KREMEN1: variants seen among roughly 807,000 people sequenced by gnomAD.
The protein encoded by KREMEN1 is kremen protein 1.
A neutral mutation model predicts 46.5 loss-of-function variants in KREMEN1; 30 were observed. The ratio of observed to expected loss-of-function variants is 0.65; its 90% CI spans 0.48 to 0.88. KREMEN1 has a LOEUF of 0.88. KREMEN1 is among the 40% of genes least tolerant of loss of function. KREMEN1 has a pLI of 0.00. For synonymous variants in KREMEN1, 214 were observed against 230.6 expected (o/e 0.93, Z 0.65); for missense variants, 533 against 596.9 (o/e 0.89, Z 1.11).
exon 10 of KREMEN1, chr22:29,167,369 A>G: frequency 2.1e-6 from 1 of 474,560 alleles, no homozygotes; most frequent in Non-Finnish European, 3.8e-6. Flanking sequence ...TAAGAATAGA[A>G]AGAAAGAAAG....
chr22:29,084,648 T>A (rs1192503325), intron 1 of KREMEN1, among the ~76,000 whole-genome samples: 1 of 152,216 alleles, frequency 6.6e-6, no homozygotes, highest in Non-Finnish European at 1.5e-5. Context: ...TATTTGTTTT[T>A]TGAATTTTTA....
chr22:29,167,385 C>T (rs1003489682), exon 10 of KREMEN1: 16 of 451,206 alleles, frequency 3.5e-5, no homozygotes, highest in African/African-American at 1.4e-4. Flanking sequence ...GAAAGAGAAA[C>T]GGTGTCCTCC....
chr22:29,129,066 G>A (rs1050481390), intron 5 of KREMEN1, among the ~76,000 whole-genome samples: 2 of 152,206 alleles, frequency 1.3e-5, no homozygotes, highest in Non-Finnish European at 2.9e-5. Flanking sequence ...GGCTGCTCAC[G>A]CCATCCTCCA....
chr22:29,080,940 C>CCTT lies in KREMEN1; in HGVS notation c.97+7714_97+7716dup, dbSNP rs150359536. ...CGTCCTGATTGTATTATTTTTTTGT[C>CCTT]CTTTTTTTTTTTTTTTTTTTTTAGC... On this transcript the variant is annotated intron_variant, in intron 1 of 8. Coordinates refer to ENST00000400335, the MANE Select transcript of KREMEN1 (RefSeq NM_001039570.3). Among the ~76,000 whole-genome samples, 201 of 51,944 alleles carry CCTT rather than the reference C, an allele frequency of 3.9e-3. 23 individuals carry two copies. Among genetic ancestry groups the CCTT allele is most frequent in the Middle Eastern group, 0.034 (2 of 58 alleles). 34.1% of individuals were successfully genotyped at this position (51,944 alleles called of 152,430 possible).
At chr22:29,164,124 A>G (rs1050324690) in intron 9 of KREMEN1, among the ~76,000 whole-genome samples, 1 of 152,268 alleles carries the variant, frequency 6.6e-6, no homozygotes, top group Non-Finnish European at 1.5e-5. Context: ...TGAGGACCTT[A>G]CATTTTAAAA....
chr22:29,081,132 C>G (rs1392763289), intron 1 of KREMEN1, among the ~76,000 whole-genome samples: 1 of 151,988 alleles, frequency 6.6e-6, no homozygotes, highest in Admixed American at 6.6e-5. Context: ...AATGCTATCC[C>G]TCCCCACTCC....
intron 1 of KREMEN1, among the ~76,000 whole-genome samples, chr22:29,091,135 G>C (rs550760163): frequency 2.0e-5 from 3 of 152,048 alleles, no homozygotes. Context: ...TACCACCCCC[G>C]GCTAATTTTG....
intron 5 of KREMEN1, among the ~76,000 whole-genome samples, chr22:29,131,661 TA>T (rs2038550915): frequency 9.7e-6 from 1 of 103,520 alleles, no homozygotes; most frequent in Non-Finnish European, 2.0e-5. Flanking sequence ...TATGTATATA[TA>T]TACATGTATA....
At chr22:29,124,320 A>G (rs892334170) in intron 4 of KREMEN1, among the ~76,000 whole-genome samples, 4 of 152,146 alleles carry the variant, frequency 2.6e-5, no homozygotes, top group Non-Finnish European at 4.4e-5. Flanking sequence ...ATTACATACT[A>G]TATGATTCTA....
In KREMEN1 at chr22:29,133,430, A is replaced by G. The variant is rs557285135; in HGVS notation, c.632-3912A>G. 2.0e-5 allele frequency among the ~76,000 whole-genome samples: 3 copies of G among 151,686 alleles called. No homozygotes were observed. In the South Asian group the frequency reaches 6.2e-4, roughly 32 times the overall value. On this transcript the variant is annotated intron_variant, in intron 5 of 8. Coordinates refer to ENST00000400335, the MANE Select transcript of KREMEN1 (RefSeq NM_001039570.3). ...ATCCTCCTGCCTTAGCCTCCTGAGT[A>G]GCTGGGATTATGGGCATGTGCCACC... is the stretch of plus-strand genomic sequence containing the variant.
intron 5 of KREMEN1, among the ~76,000 whole-genome samples, chr22:29,135,634 G>A (rs1378755538): frequency 6.6e-6 from 1 of 152,194 alleles, no homozygotes; most frequent in Non-Finnish European, 1.5e-5. Context: ...GTGCAGAAAA[G>A]CTCACAAGTG....
chr22:29,163,099 A>T (rs968897392), intron 9 of KREMEN1, among the ~76,000 whole-genome samples: 9 of 151,954 alleles, frequency 5.9e-5, no homozygotes, highest in Non-Finnish European at 1.0e-4. Flanking sequence ...TGTAATCCCC[A>T]CGTGTTGAGG....
intron 4 of KREMEN1, among the ~76,000 whole-genome samples, chr22:29,122,895 C>T (rs916531473): frequency 3.1e-4 from 42 of 136,722 alleles, no homozygotes; most frequent in African/African-American, 8.7e-4. Context: ...GAGCCGAGAT[C>T]GCACCACTGC....
chr22:29,121,261 T>C, intron 3 of KREMEN1, 96 bp from the exon 4 acceptor site: 5 of 1,433,904 alleles, frequency 3.5e-6, no homozygotes, highest in Non-Finnish European at 4.8e-6. Context: ...GTGGAAATAC[T>C]GGCTGAGATG....
At chr22:29,078,250 C>G (rs1217450193) in intron 1 of KREMEN1, among the ~76,000 whole-genome samples, 1 of 151,902 alleles carries the variant, frequency 6.6e-6, no homozygotes, top group Non-Finnish European at 1.5e-5. Flanking sequence ...AGAGCAAGAC[C>G]CTGTCTCAAA....
rs2038800750 is a variant in KREMEN1 at position 29,143,397 on chromosome 22, G to C, written c.*1285G>C. The stretch of plus-strand genomic sequence containing the variant: ...TTTGCCCTTAGGCAGCACTATATGA[G>C]ACATGGGGCCTGTGGTCCTTCCTTC... On this transcript the variant is annotated 3_prime_UTR_variant, in exon 9 of 9. Coordinates refer to ENST00000400335, the MANE Select transcript of KREMEN1 (RefSeq NM_001039570.3). The C allele has an allele frequency of 1.0e-6, 1 of 985,288 alleles. No individual in the cohort carries two copies. The highest frequency in any genetic ancestry group is 6.2e-5 in the Admixed American group (1 of 16,260). 61.0% of individuals were successfully genotyped at this position (985,288 alleles called of 1,614,324 possible).
chr22:29,084,236 T>G (rs2145743543), intron 1 of KREMEN1, among the ~76,000 whole-genome samples: 1 of 152,242 alleles, frequency 6.6e-6, no homozygotes, highest in Non-Finnish European at 1.5e-5. Context: ...TTTGGCTGGC[T>G]TCTTTACCAC....
intron 3 of KREMEN1, among the ~76,000 whole-genome samples, chr22:29,112,579 C>T (rs1288433316): frequency 1.3e-5 from 2 of 152,148 alleles, no homozygotes; most frequent in Non-Finnish European, 2.9e-5. Context: ...TCTTTAACTC[C>T]TCCAAAATTT....
Position 29,121,453 on chromosome 22 carries a change from T to C in KREMEN1, c.449T>C (p.Ile150Thr). Residue 150 changes from isoleucine (I) to threonine (T), a missense_variant, in exon 4 of 9, where the codon ATC (isoleucine) becomes ACC (threonine). Transcript: ENST00000400335. ...AACAAACTCACCATACAAACTTGCA[T>C]CAGTTTTTGTCGGAGTCAGAGGTTC... ...TSNKLTIQTC[I>T]SFCRSQRFKF... 6.2e-7 allele frequency: 1 copy of C among 1,614,092 alleles called. No homozygotes were observed. Among genetic ancestry groups the C allele is most frequent in the Non-Finnish European group, 8.5e-7 (1 of 1,179,982 alleles).
Sources: gnomAD v4.1 joint callset for allele counts (sites outside exome capture counted in the v4.1 genomes callset) on GRCh38, gnomAD v4.1.1 for gene constraint, MANE v1.5 for transcripts, NCBI Gene and HGNC (gene_info 2026-07-23, HGNC 2026-07-21) for gene names.